Variants in MTCL2 observed in about 807,000 individuals in gnomAD.
The protein encoded by MTCL2 is microtubule cross-linking factor 2.
At chr20:36,859,220 T>A in the MTCL2 span, among the ~76,000 whole-genome samples, 2 of 152,022 alleles carry the variant, frequency 1.3e-5, no homozygotes, top group Non-Finnish European at 2.9e-5. Flanking sequence ...CTCAGATTCC[T>A]CCATCCACAC....
At chr20:36,784,063 G>A in the MTCL2 span, 3 of 985,424 alleles carry the variant, frequency 3.0e-6, no homozygotes, top group African/African-American at 3.5e-5. Context: ...GTAAGGCTGA[G>A]TGGTCCGTAG....
At chr20:36,820,684 A>G in the MTCL2 span, among the ~76,000 whole-genome samples, 6 of 152,080 alleles carry the variant, frequency 3.9e-5, no homozygotes, top group African/African-American at 1.4e-4. Flanking sequence ...TCTACTAAAA[A>G]TACAAAAATT....
chr20:36,857,523 A>G, the MTCL2 span, among the ~76,000 whole-genome samples: 2 of 152,084 alleles, frequency 1.3e-5, no homozygotes, highest in Non-Finnish European at 1.5e-5. Flanking sequence ...TGAACAGTAT[A>G]TGTGCATTTG....
At chr20:36,841,851 C>T in the MTCL2 span, among the ~76,000 whole-genome samples, 1 of 142,686 alleles carries the variant, frequency 7.0e-6, no homozygotes, top group African/African-American at 2.6e-5. Flanking sequence ...GACACACAAC[C>T]CCACATCGGG....
chr20:36,826,212 T>A, the MTCL2 span, among the ~76,000 whole-genome samples: 1 of 151,290 alleles, frequency 6.6e-6, no homozygotes, highest in Non-Finnish European at 1.5e-5. Flanking sequence ...GGTTTCACCG[T>A]GTTAGCCAGG....
chr20:36,848,475 T>C, the MTCL2 span, among the ~76,000 whole-genome samples: 1 of 152,198 alleles, frequency 6.6e-6, no homozygotes, highest in East Asian at 1.9e-4. Flanking sequence ...TAGCAAGATC[T>C]TGCACAGCAG....
At chr20:36,820,392 G>A in the MTCL2 span, among the ~76,000 whole-genome samples, 392 of 152,310 alleles carry the variant, frequency 2.6e-3, 4 homozygotes, top group African/African-American at 9.1e-3. Flanking sequence ...GGGATCATGA[G>A]ATTCACTGAC....
At chr20:36,784,262 C>A in the MTCL2 span, 4 of 985,972 alleles carry the variant, frequency 4.1e-6, no homozygotes, top group Non-Finnish European at 4.8e-6. Flanking sequence ...AAGAGCGGAA[C>A]TGGCCCACAG....
the MTCL2 span, among the ~76,000 whole-genome samples, chr20:36,845,389 A>G: frequency 6.6e-6 from 1 of 152,254 alleles, no homozygotes; most frequent in South Asian, 2.1e-4. Flanking sequence ...TGTCTCCCCA[A>G]GGCCTGCCCT....
the MTCL2 span, chr20:36,785,937 G>T: frequency 1.0e-6 from 1 of 988,216 alleles, no homozygotes; most frequent in Non-Finnish European, 1.2e-6. Context: ...CAGTGGGGCT[G>T]GGAGGAGGAG....
the MTCL2 span, chr20:36,786,282 G>A: frequency 3.0e-5 from 38 of 1,255,658 alleles, no homozygotes; most frequent in Middle Eastern, 6.4e-4. Flanking sequence ...CTGGGAAGTC[G>A]AAGCTCACCA....
the MTCL2 span, chr20:36,786,238 C>T: frequency 1.6e-5 from 19 of 1,167,118 alleles, no homozygotes; most frequent in Non-Finnish European, 1.9e-5. Flanking sequence ...TTGGGAAGCC[C>T]AGGTTTGGTC....
the MTCL2 span, among the ~76,000 whole-genome samples, chr20:36,844,427 C>T: frequency 0.031 from 4,613 of 149,624 alleles, 278 homozygotes; most frequent in African/African-American, 0.11. Flanking sequence ...ATAATAACAA[C>T]AATAATAATA....
chr20:36,860,431 C>A, the MTCL2 span, among the ~76,000 whole-genome samples: 2 of 152,204 alleles, frequency 1.3e-5, no homozygotes, highest in Non-Finnish European at 2.9e-5. Context: ...CCTCCCTTGT[C>A]CACAGCTGTA....
At chr20:36,817,352 A>C in the MTCL2 span, 2 of 1,475,848 alleles carry the variant, frequency 1.4e-6, no homozygotes, top group Non-Finnish European at 1.8e-6. Flanking sequence ...GGCCACTTAG[A>C]GTCAGGCTCA....
the MTCL2 span, among the ~76,000 whole-genome samples, chr20:36,850,573 T>C: frequency 1.3e-5 from 2 of 151,846 alleles, no homozygotes; most frequent in African/African-American, 2.4e-5. Context: ...AAAGCCTCCC[T>C]GACTGTCCCA....
chr20:36,811,366 C>T, the MTCL2 span, among the ~76,000 whole-genome samples: 2 of 152,052 alleles, frequency 1.3e-5, no homozygotes, highest in Admixed American at 6.6e-5. Flanking sequence ...CAGTGGCTCA[C>T]GCCTGTAATA....
At chr20:36,815,539 C>T in the MTCL2 span, 10 of 1,572,712 alleles carry the variant, frequency 6.4e-6, no homozygotes, top group East Asian at 1.2e-4. The surrounding 1 kb of genome is among the most constrained non-coding windows in gnomAD (Gnocchi z 5.3). Flanking sequence ...TCGTGTGTCT[C>T]GCCCAGGGGA....
At chr20:36,820,474 T>C in the MTCL2 span, among the ~76,000 whole-genome samples, 1 of 152,166 alleles carries the variant, frequency 6.6e-6, no homozygotes, top group Non-Finnish European at 1.5e-5. Flanking sequence ...AACCCAAATA[T>C]GTCCACCAAC....
Sources: allele counts gnomAD v4.1 joint callset (sites outside exome capture counted in the v4.1 genomes callset), GRCh38; gene constraint gnomAD v4.1.1; non-coding constraint Gnocchi (gnomAD v3.1); transcripts MANE v1.5; gene names NCBI Gene and HGNC (gene_info 2026-07-23, HGNC 2026-07-21).